ZNF521: variants seen among roughly 807,000 people sequenced by gnomAD.
The protein encoded by ZNF521 is LYST-interacting protein 3.
ZNF521 carries 14 observed loss-of-function variants against 105.5 expected under a neutral mutation model. The observed-to-expected ratio is 0.13, with a 90% CI of 0.09 to 0.21. The LOEUF (loss-of-function observed/expected upper bound fraction) is 0.21, where lower values mean the gene tolerates loss of function less well. ZNF521 is among the 10% of genes least tolerant of loss of function. ZNF521 has a pLI of 1.00. For missense variants in ZNF521, 1,233 were observed against 1,629.7 expected (o/e 0.76, Z 4.19); for synonymous variants, 635 against 606.0 (o/e 1.05, Z -0.70).
intron 7 of ZNF521, among the ~76,000 whole-genome samples, chr18:25,076,427 G>A (rs2033363871): frequency 1.3e-5 from 2 of 152,186 alleles, no homozygotes; most frequent in South Asian, 4.1e-4. Context: ...AAAAATTGCA[G>A]GATGATAGGA....
intron 3 of ZNF521, among the ~76,000 whole-genome samples, chr18:25,248,431 A>C (rs1470780621): frequency 6.6e-6 from 1 of 152,218 alleles, no homozygotes; most frequent in Non-Finnish European, 1.5e-5. Context: ...CACTGAATGT[A>C]TATTATGATG....
chr18:25,272,462 CAT>C (rs1335192099), intron 3 of ZNF521, among the ~76,000 whole-genome samples: 3 of 152,108 alleles, frequency 2.0e-5, no homozygotes, highest in Non-Finnish European at 4.4e-5. Context: ...CACATGTACA[CAT>C]ATGTTTATTG....
intron 5 of ZNF521, among the ~76,000 whole-genome samples, chr18:25,103,731 A>G (rs1489424571): frequency 7.5e-6 from 1 of 133,504 alleles, no homozygotes; most frequent in Non-Finnish European, 1.6e-5. Context: ...GACAGTTGTT[A>G]TCCTCTGTGA....
At position 25,336,756 on chromosome 18, in the gene ZNF521, C is replaced by T. The variant is rs6508363; in HGVS notation, c.40+14151G>A. Among the ~76,000 whole-genome samples the T allele has an allele frequency of 6.4e-3, 979 of 152,202 alleles. 12 individuals are homozygous for T. Among genetic ancestry groups the T allele is most frequent in the African/African-American group, 0.022 (932 of 41,516 alleles). ...AGGGCTATGTGCTACCACACAGGTA[C>T]ATAAAAATTCCCAATCTTCAACCAC... On this transcript the variant is annotated intron_variant, in intron 2 of 7. Coordinates refer to ENST00000361524, the MANE Select transcript of ZNF521 (RefSeq NM_015461.3).
intron 1 of ZNF521, 49 bp downstream of exon 1, chr18:25,351,956 G>T: frequency 2.9e-6 from 1 of 339,278 alleles, no homozygotes; most frequent in Non-Finnish European, 6.1e-6. Context: ...AGAGCCGGGA[G>T]CAGGAGGAGG....
intron 3 of ZNF521, among the ~76,000 whole-genome samples, chr18:25,299,977 C>G (rs1403825911): frequency 6.6e-6 from 1 of 152,184 alleles, no homozygotes; most frequent in East Asian, 1.9e-4. Context: ...CCCATCCTCT[C>G]AAATCTGAGC....
chr18:25,243,737 T>C (rs1270891138), intron 3 of ZNF521, among the ~76,000 whole-genome samples: 1 of 152,174 alleles, frequency 6.6e-6, no homozygotes, highest in Non-Finnish European at 1.5e-5. Context: ...ATATGGCACA[T>C]CCAAGTGGGC....
chr18:25,190,031 G>A lies in ZNF521; in HGVS notation c.3658+5129C>T, dbSNP rs45556842. Reference sequence around the variant, plus strand: ...CTCTCCTGTACAGATGGCTATTAAAGAGAAAGTATCCCTTTTGTATGGTCC... The same window carrying A: ...CTCTCCTGTACAGATGGCTATTAAAAAGAAAGTATCCCTTTTGTATGGTCC... On this transcript the variant is annotated intron_variant, in intron 5 of 7. Coordinates refer to ENST00000361524, the MANE Select transcript of ZNF521 (RefSeq NM_015461.3). 2.8e-3 allele frequency among the ~76,000 whole-genome samples: 422 copies of A among 152,252 alleles called. 3 individuals carry two copies. Among genetic ancestry groups the A allele is most frequent in the Non-Finnish European group, 4.8e-3 (324 of 68,018 alleles).
In ZNF521 at chr18:25,102,105, C is replaced by T. The variant is rs139572506; in HGVS notation, c.3659-10024G>A. 5.2e-3 allele frequency among the ~76,000 whole-genome samples: 793 copies of T among 152,162 alleles called. 5 individuals carry two copies. Among genetic ancestry groups the T allele is most frequent in the African/African-American group, 0.018 (739 of 41,518 alleles). On this transcript the variant is annotated intron_variant, in intron 5 of 7. Coordinates refer to ENST00000361524, the MANE Select transcript of ZNF521 (RefSeq NM_015461.3). ...GCTTTTATGTTTGAAGAAAAATAGA[C>T]GATGGCCTAAAACTACTATAAAGCA... is the stretch of plus-strand genomic sequence containing the variant.
chr18:25,135,558 C>T (rs2034718981), intron 5 of ZNF521, among the ~76,000 whole-genome samples: 2 of 152,126 alleles, frequency 1.3e-5, no homozygotes, highest in African/African-American at 4.8e-5. Context: ...TGATTTTGCT[C>T]AAACAGGAAG....
At chr18:25,268,810 A>T (rs934938202) in intron 3 of ZNF521, among the ~76,000 whole-genome samples, 1 of 152,208 alleles carries the variant, frequency 6.6e-6, no homozygotes, top group Non-Finnish European at 1.5e-5. Flanking sequence ...AACCGGTACC[A>T]GCCACTGCAA....
intron 5 of ZNF521, among the ~76,000 whole-genome samples, chr18:25,185,686 C>T (rs965180731): frequency 5.9e-5 from 9 of 151,966 alleles, no homozygotes; most frequent in African/African-American, 9.7e-5. Flanking sequence ...CTAACAGGCA[C>T]GGTTGTGGGA....
At chr18:25,085,651 ATATG>A (rs1466860630) in intron 7 of ZNF521, among the ~76,000 whole-genome samples, 95 of 105,502 alleles carry the variant, frequency 9.0e-4, no homozygotes, top group East Asian at 2.8e-3. Context: ...CCCCATATAT[ATATG>A]TGTGTGTGTG....
At chr18:25,131,371 G>T (rs1225483706) in intron 5 of ZNF521, among the ~76,000 whole-genome samples, 5 of 152,136 alleles carry the variant, frequency 3.3e-5, no homozygotes, top group Non-Finnish European at 4.4e-5. Context: ...ATTTTCCCAA[G>T]AAGTTTTGTA....
At chr18:25,253,872 A>G (rs1384893351) in intron 3 of ZNF521, among the ~76,000 whole-genome samples, 1 of 152,094 alleles carries the variant, frequency 6.6e-6, no homozygotes, top group Non-Finnish European at 1.5e-5. Context: ...GTGGGGGGGA[A>G]CTATTTGCAA....
At chr18:25,346,669 T>C (rs1173109218) in intron 2 of ZNF521, among the ~76,000 whole-genome samples, 1 of 152,122 alleles carries the variant, frequency 6.6e-6, no homozygotes, top group African/African-American at 2.4e-5. Flanking sequence ...AGAAGGTAAA[T>C]GGGGGAAAGG....
intron 3 of ZNF521, among the ~76,000 whole-genome samples, chr18:25,303,497 T>G (rs751856295): frequency 2.0e-5 from 3 of 151,968 alleles, no homozygotes; most frequent in Non-Finnish European, 4.4e-5. Context: ...GGGGTTTCAC[T>G]ATGTTGGCCA....
intron 3 of ZNF521, among the ~76,000 whole-genome samples, chr18:25,237,961 G>A (rs148535172): frequency 4.0e-4 from 61 of 152,292 alleles, no homozygotes; most frequent in African/African-American, 1.4e-3. Context: ...AGAAATGTGG[G>A]CCTTTAGGGG....
At chr18:25,245,366 C>T (rs916749907) in intron 3 of ZNF521, among the ~76,000 whole-genome samples, 1 of 152,158 alleles carries the variant, frequency 6.6e-6, no homozygotes, top group East Asian at 1.9e-4. Flanking sequence ...CCCCTATTAT[C>T]GACATCCCCC....
Sources: allele counts gnomAD v4.1 joint callset (sites outside exome capture counted in the v4.1 genomes callset), GRCh38; gene constraint gnomAD v4.1.1; transcripts MANE v1.5; gene names NCBI Gene and HGNC (gene_info 2026-07-23, HGNC 2026-07-21).